SLC12A8: variants seen among roughly 807,000 people sequenced by gnomAD.
SLC12A8 encodes cation-chloride cotransporter 9.
In SLC12A8, 69 loss-of-function variants were observed where a neutral mutation model predicts 75.6. The ratio of observed to expected loss-of-function variants is 0.91; its 90% CI spans 0.75 to 1.11. The LOEUF (loss-of-function observed/expected upper bound fraction) is 1.11. SLC12A8 is among the 50% of genes most tolerant of loss of function. The pLI is 0.00. For missense variants in SLC12A8, 877 were observed against 896.7 expected (o/e 0.98, Z 0.28); for synonymous variants, 365 against 372.8 (o/e 0.98, Z 0.24).
intron 5 of SLC12A8, among the ~76,000 whole-genome samples, chr3:125,170,562 G>T (rs1234380806): frequency 6.6e-6 from 1 of 152,200 alleles, no homozygotes; most frequent in Non-Finnish European, 1.5e-5. Flanking sequence ...TTTACAAAGA[G>T]CTGTGCTGTG....
At chr3:125,102,621 G>A (rs1288824599) in intron 10 of SLC12A8, among the ~76,000 whole-genome samples, 1 of 152,120 alleles carries the variant, frequency 6.6e-6, no homozygotes, top group African/African-American at 2.4e-5. Flanking sequence ...AGCAGGGAGT[G>A]GGAGAGAGGG....
In SLC12A8 at chr3:125,177,978, A is replaced by G. The variant is rs558553489; in HGVS notation, c.391-4T>C. 3 of 1,609,322 alleles carry G rather than the reference A, an allele frequency of 1.9e-6. No individual in the cohort carries two copies. Among genetic ancestry groups the G allele is most frequent in the Admixed American group, 1.7e-5 (1 of 59,546 alleles). ...TATACATGGCACCTGCAACACACTG[A>G]CATGCGATTCCAGGTAGAAGAGTCA... On this transcript the variant is annotated splice_region_variant and splice_polypyrimidine_tract_variant and intron_variant, in intron 4 of 13. Transcript: ENST00000469902.
intron 9 of SLC12A8, 45 bp from the exon 10 acceptor site, chr3:125,108,171 G>A (rs1939088829): frequency 1.3e-6 from 2 of 1,551,480 alleles, no homozygotes; most frequent in Non-Finnish European, 1.7e-6. Flanking sequence ...ATTTCAGATA[G>A]AACGCTTCAG....
chr3:125,108,433 A>T (rs1939099208), intron 9 of SLC12A8, among the ~76,000 whole-genome samples: 1 of 149,998 alleles, frequency 6.7e-6, no homozygotes. Flanking sequence ...CAGTGATGTG[A>T]TCTCAGCTCA....
chr3:125,123,907 A>C (rs1933126608), intron 6 of SLC12A8, among the ~76,000 whole-genome samples: 1 of 152,170 alleles, frequency 6.6e-6, no homozygotes, highest in South Asian at 2.1e-4. Context: ...TACAGAAGTT[A>C]ACCCATGAAG....
chr3:125,107,839 T>C lies in SLC12A8; in HGVS notation c.1347A>G (p.Arg449=), dbSNP rs772864045. Residue 449 remains arginine, a synonymous_variant, in exon 10 of 14, where the codon AGA becomes AGG. Transcript: ENST00000469902. ...ATTCCAGTAGCGTGCCCTCCAAGACTCTTTGGGCAGGTCCCTCAGAGCCGT... is the reference window on the plus strand; with the variant it reads ...ATTCCAGTAGCGTGCCCTCCAAGACCCTTTGGGCAGGTCCCTCAGAGCCGT... ...PSYGSEGPAQ[R]VLEGTLLEFT... is the part of the protein sequence containing the mutation. 3.7e-6 allele frequency: 6 copies of C among 1,614,112 alleles called. No individual in the cohort carries two copies. The highest frequency in any genetic ancestry group is 2.2e-5 in the East Asian group (1 of 44,882).
intron 8 of SLC12A8, among the ~76,000 whole-genome samples, chr3:125,117,765 GA>G (rs1460208820): frequency 2.6e-5 from 4 of 152,136 alleles, no homozygotes; most frequent in African/African-American, 9.7e-5. Context: ...AGTTTTTGGG[GA>G]TTTCCAGAAA....
intron 5 of SLC12A8, among the ~76,000 whole-genome samples, chr3:125,168,111 T>G (rs76397908): frequency 0.056 from 8,585 of 152,298 alleles, 328 homozygotes; most frequent in African/African-American, 0.1. Flanking sequence ...GGATAAATTC[T>G]GATTTGGACA....
At chr3:125,183,429 C>T (rs1016520775) in intron 4 of SLC12A8, among the ~76,000 whole-genome samples, 6 of 152,060 alleles carry the variant, frequency 3.9e-5, no homozygotes. Flanking sequence ...TGTAATGCTT[C>T]CATTCCAAGG....
In SLC12A8 at chr3:125,107,835, A is replaced by T; in HGVS notation, c.1351T>A (p.Leu451Met). 6.2e-7 allele frequency: 1 copy of T among 1,614,138 alleles called. No homozygotes were observed. The highest frequency in any genetic ancestry group is 8.5e-7 in the Non-Finnish European group (1 of 1,180,032). ...GTGAATTCCAGTAGCGTGCCCTCCA[A>T]GACTCTTTGGGCAGGTCCCTCAGAG... ...YGSEGPAQRV[L>M]EGTLLEFTKD... The change falls in exon 10 of 14, where the codon TTG (leucine) becomes ATG (methionine). Residue 451 changes from leucine (L) to methionine (M), a missense_variant. Transcript: ENST00000469902.
At chr3:125,169,903 C>T (rs1934372384) in intron 5 of SLC12A8, among the ~76,000 whole-genome samples, 1 of 151,936 alleles carries the variant, frequency 6.6e-6, no homozygotes, top group Non-Finnish European at 1.5e-5. Context: ...TTGGAGAAAG[C>T]TGGCAGCATC....
intron 5 of SLC12A8, among the ~76,000 whole-genome samples, chr3:125,150,702 C>T (rs1933899162): frequency 6.6e-6 from 1 of 152,094 alleles, no homozygotes; most frequent in African/African-American, 2.4e-5. Context: ...CCTTGCAGTG[C>T]GATTCTTGTA....
chr3:125,210,308 A>T (rs1370147665), intron 2 of SLC12A8, among the ~76,000 whole-genome samples: 1 of 152,194 alleles, frequency 6.6e-6, no homozygotes, highest in East Asian at 1.9e-4. Context: ...GAAAGATATA[A>T]GCTCTGGGGA....
intron 2 of SLC12A8, among the ~76,000 whole-genome samples, chr3:125,196,719 A>G (rs1022635520): frequency 1.3e-5 from 2 of 152,228 alleles, no homozygotes; most frequent in African/African-American, 4.8e-5. Context: ...GCTTGAGGCC[A>G]GGTGTTTAAG....
intron 5 of SLC12A8, among the ~76,000 whole-genome samples, chr3:125,165,436 C>T (rs1934263821): frequency 6.6e-6 from 1 of 152,234 alleles, no homozygotes; most frequent in African/African-American, 2.4e-5. Flanking sequence ...AAGACCCTTC[C>T]TGGCAAAGAC....
chr3:125,178,895 T>TA (rs1491021541), intron 4 of SLC12A8, among the ~76,000 whole-genome samples: 3 of 152,240 alleles, frequency 2.0e-5, no homozygotes, highest in Non-Finnish European at 2.9e-5. Flanking sequence ...AATCTTTTTT[T>TA]AAAAAAATGA....
At chr3:125,178,037 C>T in intron 4 of SLC12A8, 63 bp from the exon 5 acceptor site, 1 of 1,356,860 alleles carries the variant, frequency 7.4e-7, no homozygotes, top group Non-Finnish European at 1.0e-6. Flanking sequence ...ATGGGCAGAA[C>T]CGCCCAGCGC....
At chr3:125,135,923 G>T in intron 5 of SLC12A8, 141 bp from the exon 6 acceptor site, 1 of 489,506 alleles carries the variant, frequency 2.0e-6, no homozygotes, top group South Asian at 5.0e-5. Context: ...GACAGAGCGG[G>T]TCTGCAGAAC....
intron 2 of SLC12A8, among the ~76,000 whole-genome samples, chr3:125,208,022 C>T (rs1410429372): frequency 6.6e-6 from 1 of 152,194 alleles, no homozygotes; most frequent in Non-Finnish European, 1.5e-5. Flanking sequence ...AGACTGGGAG[C>T]CTGTGGGTAA....
Sources: allele counts gnomAD v4.1 joint callset (sites outside exome capture counted in the v4.1 genomes callset), GRCh38; gene constraint gnomAD v4.1.1; transcripts MANE v1.5; gene names NCBI Gene and HGNC (gene_info 2026-07-23, HGNC 2026-07-21).